Variants in XKR9 observed in about 807,000 individuals in gnomAD.
XKR9 encodes XK related 9.
In XKR9, 32 loss-of-function variants were observed where a neutral mutation model predicts 32.0. The ratio of observed to expected loss-of-function variants is 1.00; its 90% CI spans 0.76 to 1.34. The LOEUF (loss-of-function observed/expected upper bound fraction) is 1.34, where lower values mean the gene tolerates loss of function less well. XKR9 is among the 40% of genes most tolerant of loss of function. XKR9 has a pLI of 0.00. For synonymous variants in XKR9, 168 were observed against 143.4 expected (o/e 1.17, Z -1.22); for missense variants, 546 against 429.7 (o/e 1.27, Z -2.39).
At chr8:70,739,564 G>A (rs62530853), downstream of XKR9, among the ~76,000 whole-genome samples, 50,428 of 151,828 alleles carry the variant, frequency 0.33, 9,460 homozygotes, top group Non-Finnish European at 0.43. Context: ...TCCTAGCCTC[G>A]ATGGTCTTTA....
the XKR9 span, among the ~76,000 whole-genome samples, chr8:70,904,511 T>C: frequency 6.6e-6 from 1 of 152,228 alleles, no homozygotes; most frequent in Non-Finnish European, 1.5e-5. Flanking sequence ...AGCCTATTTG[T>C]ATCTCTGCAC....
chr8:70,716,028 A>C (rs1470589920), intron 4 of XKR9, among the ~76,000 whole-genome samples: 1 of 152,090 alleles, frequency 6.6e-6, no homozygotes, highest in Non-Finnish European at 1.5e-5. Flanking sequence ...GTAATATAGA[A>C]GAGAGGTGAA....
chr8:71,017,950 AG>A, the XKR9 span, among the ~76,000 whole-genome samples: 8 of 152,358 alleles, frequency 5.3e-5, no homozygotes, highest in South Asian at 1.7e-3. Flanking sequence ...TGAACTAAAT[AG>A]GCTTTCAGGT....
chr8:70,709,970 C>A (rs1805855461), intron 4 of XKR9, among the ~76,000 whole-genome samples: 1 of 151,990 alleles, frequency 6.6e-6, no homozygotes, highest in Non-Finnish European at 1.5e-5. Context: ...ACCAAAAGAC[C>A]CCAAATAGCC....
At chr8:70,849,681 C>A in the XKR9 span, among the ~76,000 whole-genome samples, 1 of 152,078 alleles carries the variant, frequency 6.6e-6, no homozygotes, top group East Asian at 1.9e-4. Flanking sequence ...AATCCAGGAG[C>A]TGGTTTCTTG....
the XKR9 span, among the ~76,000 whole-genome samples, chr8:71,028,247 A>G: frequency 6.6e-6 from 1 of 152,116 alleles, no homozygotes; most frequent in African/African-American, 2.4e-5. Flanking sequence ...TTAATCAGTG[A>G]TTTATAGTTT....
the XKR9 span, among the ~76,000 whole-genome samples, chr8:70,818,238 C>A: frequency 1.3e-5 from 2 of 150,368 alleles, no homozygotes; most frequent in African/African-American, 4.9e-5. Flanking sequence ...TCTCTTTTAT[C>A]GTTCTTCAAG....
At chr8:70,916,634 C>T in the XKR9 span, among the ~76,000 whole-genome samples, 2 of 152,052 alleles carry the variant, frequency 1.3e-5, no homozygotes, top group African/African-American at 4.8e-5. Flanking sequence ...ATTCTTGATC[C>T]TTGGCACTTC....
At chr8:70,942,648 T>A in the XKR9 span, among the ~76,000 whole-genome samples, 1 of 152,236 alleles carries the variant, frequency 6.6e-6, no homozygotes, top group South Asian at 2.1e-4. Context: ...TCACACTTAC[T>A]TTATTGACCA....
the XKR9 span, among the ~76,000 whole-genome samples, chr8:70,867,992 A>C: frequency 6.6e-6 from 1 of 152,242 alleles, no homozygotes; most frequent in East Asian, 1.9e-4. Context: ...CAGGGCAGTC[A>C]AATCTTAAAG....
At chr8:70,933,438 T>TA in the XKR9 span, among the ~76,000 whole-genome samples, 1 of 147,658 alleles carries the variant, frequency 6.8e-6, no homozygotes, top group African/African-American at 2.5e-5. Flanking sequence ...GAAGAACAGT[T>TA]TTTTTTTTTT....
intron 3 of XKR9, chr8:70,789,546 G>A (rs1807735890): frequency 6.6e-6 from 1 of 152,030 alleles, no homozygotes; most frequent in African/African-American, 2.4e-5. Context: ...ATGAAGTAGA[G>A]ATGAGGAGGT....
At chr8:70,755,080 C>G (rs1024580136) in intron 2 of XKR9, among the ~76,000 whole-genome samples, 4 of 152,034 alleles carry the variant, frequency 2.6e-5, no homozygotes, top group African/African-American at 9.7e-5. Flanking sequence ...AAAAACAACC[C>G]CATCAAAAAG....
chr8:70,789,250 A>G (rs1369021574), intron 2 of XKR9: 4 of 152,078 alleles, frequency 2.6e-5, no homozygotes, highest in East Asian at 1.9e-4. Flanking sequence ...ATTTAATTCA[A>G]TTCTTTAGAA....
chr8:70,803,326 T>G, the XKR9 span, among the ~76,000 whole-genome samples: 1 of 152,188 alleles, frequency 6.6e-6, no homozygotes, highest in Non-Finnish European at 1.5e-5. Context: ...GCCATTTAAT[T>G]TTTTATCTCC....
Position 70,717,265 on chromosome 8 carries a change from C to T in XKR9, c.493+10112C>T, listed in dbSNP as rs1806124212. On this transcript the variant is annotated intron_variant, in intron 4 of 4. Coordinates refer to ENST00000408926, the MANE Select transcript of XKR9 (RefSeq NM_001011720.2). The stretch of plus-strand genomic sequence containing the variant: ...GCTGTCTTCTCACAGCTCCACTAGG[C>T]AGTGCCTCAGTGGGGACTCTGTGTG... 2.6e-5 allele frequency among the ~76,000 whole-genome samples: 4 copies of T among 152,310 alleles called. No homozygotes were observed. The South Asian group carries it at 6.2e-4, about 24-fold the overall frequency.
chr8:70,984,731 T>C, the XKR9 span, among the ~76,000 whole-genome samples: 1 of 152,230 alleles, frequency 6.6e-6, no homozygotes, highest in African/African-American at 2.4e-5. Flanking sequence ...TTCTATTCAT[T>C]AAGTACCTGA....
intron 2 of XKR9, among the ~76,000 whole-genome samples, chr8:70,751,126 G>C (rs1372162775): frequency 1.3e-5 from 2 of 152,042 alleles, no homozygotes; most frequent in South Asian, 4.2e-4. Context: ...CTCCATAATT[G>C]TGATAGTTAT....
the XKR9 span, among the ~76,000 whole-genome samples, chr8:70,797,214 C>T: frequency 2.1e-4 from 31 of 144,678 alleles, no homozygotes; most frequent in African/African-American, 7.5e-4. Flanking sequence ...GGTGTGCGCA[C>T]ACACACACAT....
Sources: gnomAD v4.1 joint callset for allele counts (sites outside exome capture counted in the v4.1 genomes callset) on GRCh38, gnomAD v4.1.1 for gene constraint, MANE v1.5 for transcripts, NCBI Gene and HGNC (gene_info 2026-07-23, HGNC 2026-07-21) for gene names.